Variants in EYA1 observed in about 807,000 individuals in gnomAD.
EYA1 encodes protein phosphatase EYA1.
Under a neutral mutation model 82.0 loss-of-function variants are expected in EYA1, and 16 were observed. The observed-to-expected ratio is 0.20, with a 90% CI of 0.13 to 0.30. The LOEUF is 0.30. Among genes scored for constraint, EYA1 ranks in the 10% least tolerant of loss-of-function variants. The pLI is 1.00. For synonymous variants in EYA1, 261 were observed against 264.4 expected (o/e 0.99, Z 0.12); for missense variants, 633 against 730.7 (o/e 0.87, Z 1.54).
intron 2 of EYA1, among the ~76,000 whole-genome samples, chr8:71,435,666 C>T (rs1305974100): frequency 6.6e-6 from 1 of 151,984 alleles, no homozygotes; most frequent in Non-Finnish European, 1.5e-5. Flanking sequence ...ATACAGAACT[C>T]TATATAAGCA....
chr8:71,278,425 C>G (rs10088075), intron 9 of EYA1, among the ~76,000 whole-genome samples: 56,868 of 151,984 alleles, frequency 0.37, 11,142 homozygotes, highest in East Asian at 0.71. Context: ...AATTGTGTCT[C>G]TTTTACCATA....
At chr8:71,308,206 T>A (rs1343464736) in intron 7 of EYA1, among the ~76,000 whole-genome samples, 1 of 152,182 alleles carries the variant, frequency 6.6e-6, no homozygotes, top group African/African-American at 2.4e-5. Flanking sequence ...TTAAGTGGTA[T>A]TAATTTTTGG....
intron 3 of EYA1, among the ~76,000 whole-genome samples, chr8:71,345,667 T>C (rs192463118): frequency 7.1e-4 from 108 of 152,334 alleles, no homozygotes; most frequent in African/African-American, 2.5e-3. Context: ...TCACTGTCTT[T>C]AAGGCAAGTA....
Position 71,199,174 on chromosome 8 carries a change from G to A in EYA1, c.*166C>T, listed in dbSNP as rs1320136576. ...CAACAGCTGTTCTGATGAAATAGAC[G>A]TGGTCCTCCATTCACCACAAAGGCA... On this transcript the variant is annotated 3_prime_UTR_variant, in exon 18 of 18. Coordinates refer to ENST00000340726, the MANE Select transcript of EYA1 (RefSeq NM_000503.6). The A allele has an allele frequency of 1.5e-6, 1 of 677,814 alleles. No individual in the cohort carries two copies. Among genetic ancestry groups the A allele is most frequent in the Non-Finnish European group, 2.7e-6 (1 of 371,170 alleles). 42.0% of individuals were successfully genotyped at this position (677,814 alleles called of 1,614,324 possible). A position where few individuals can be genotyped will look rare whatever the true frequency, so the allele number is the denominator to read the frequency against.
chr8:71,317,472 A>G (rs1435247909), intron 7 of EYA1, 80 bp downstream of exon 7: 16 of 1,439,938 alleles, frequency 1.1e-5, no homozygotes, highest in Admixed American at 5.0e-5. Context: ...TTTACTATTT[A>G]CATGGAACAT....
At chr8:71,535,714 T>C in intron 2 of EYA1, 1 of 1,480,564 alleles carries the variant, frequency 6.8e-7, no homozygotes, top group South Asian at 1.3e-5. Context: ...TAATAATTCT[T>C]TCCTTAGGAC....
intron 2 of EYA1, among the ~76,000 whole-genome samples, chr8:71,399,229 C>A (rs938166747): frequency 1.3e-5 from 2 of 152,110 alleles, no homozygotes; most frequent in African/African-American, 4.8e-5. Flanking sequence ...AATTCCCTGA[C>A]CCCTTGTGCT....
chr8:71,396,535 T>C (rs1043868966), intron 2 of EYA1, among the ~76,000 whole-genome samples: 1 of 152,228 alleles, frequency 6.6e-6, no homozygotes, highest in African/African-American at 2.4e-5. Context: ...ATTTCTGCCT[T>C]CATTTCGTTA....
At chr8:71,439,163 C>G (rs548538540) in intron 2 of EYA1, among the ~76,000 whole-genome samples, 1 of 152,148 alleles carries the variant, frequency 6.6e-6, no homozygotes, top group Non-Finnish European at 1.5e-5. Flanking sequence ...AAGGTTAAAA[C>G]CTTTTTTCCT....
intron 2 of EYA1, among the ~76,000 whole-genome samples, chr8:71,412,428 A>AG (rs1305427438): frequency 9.4e-6 from 1 of 106,494 alleles, no homozygotes; most frequent in Non-Finnish European, 1.9e-5. Context: ...AAATAAAATA[A>AG]AAAAAAGAAA....
At position 71,249,184 on chromosome 8, in the gene EYA1, C is replaced by T. The variant is rs753442733; in HGVS notation, c.1051-4492G>A. 3.4e-4 allele frequency among the ~76,000 whole-genome samples: 52 copies of T among 152,242 alleles called. No homozygotes were observed. The Middle Eastern group carries it at 0.014, about 40-fold the overall frequency. Reference sequence around the variant, plus strand: ...CCACTGCTGTTTACTCTCTTCTTGACATTTCTCCTCTATGACAGCAATCTT... The same window carrying T: ...CCACTGCTGTTTACTCTCTTCTTGATATTTCTCCTCTATGACAGCAATCTT... On this transcript the variant is annotated intron_variant, in intron 11 of 17. Transcript: ENST00000340726.
intron 2 of EYA1, among the ~76,000 whole-genome samples, chr8:71,511,013 C>T (rs1290195491): frequency 6.6e-6 from 1 of 151,934 alleles, no homozygotes; most frequent in East Asian, 1.9e-4. Flanking sequence ...AATCTGTTTC[C>T]TTCCATTCTA....
intron 2 of EYA1, among the ~76,000 whole-genome samples, chr8:71,478,315 A>T (rs775598946): frequency 7.2e-5 from 11 of 152,172 alleles, no homozygotes; most frequent in Non-Finnish European, 1.5e-4. Context: ...AAACAGAGGT[A>T]TCCACAGACA....
At chr8:71,368,396 T>A (rs1338290675) in intron 2 of EYA1, among the ~76,000 whole-genome samples, 1 of 152,018 alleles carries the variant, frequency 6.6e-6, no homozygotes, top group Non-Finnish European at 1.5e-5. Flanking sequence ...TCACTTTCCT[T>A]CCTGTCTTTC....
intron 7 of EYA1, among the ~76,000 whole-genome samples, chr8:71,310,568 C>T (rs1321522997): frequency 2.0e-5 from 3 of 152,156 alleles, no homozygotes; most frequent in African/African-American, 7.2e-5. Flanking sequence ...CCAGCTCCAT[C>T]CATGTTCCTG....
chr8:71,441,751 T>C (rs1586723939), intron 2 of EYA1, among the ~76,000 whole-genome samples: 1 of 152,304 alleles, frequency 6.6e-6, no homozygotes, highest in Non-Finnish European at 1.5e-5. Flanking sequence ...ATATTTGTGG[T>C]TTTCTCAAAA....
At chr8:71,388,391 A>G (rs1347848640) in intron 2 of EYA1, among the ~76,000 whole-genome samples, 1 of 152,232 alleles carries the variant, frequency 6.6e-6, no homozygotes, top group African/African-American at 2.4e-5. Flanking sequence ...GTACGACAAT[A>G]GAAAAAAGAA....
At chr8:71,423,737 C>T (rs1017520217) in intron 2 of EYA1, among the ~76,000 whole-genome samples, 2 of 152,100 alleles carry the variant, frequency 1.3e-5, no homozygotes, top group Non-Finnish European at 2.9e-5. Flanking sequence ...AACTTTTTCT[C>T]ATGTACCCAC....
At chr8:71,465,690 T>G (rs1808719549) in intron 2 of EYA1, among the ~76,000 whole-genome samples, 1 of 152,130 alleles carries the variant, frequency 6.6e-6, no homozygotes, top group Non-Finnish European at 1.5e-5. Context: ...ATTTAGTTTA[T>G]CTTTAAAATA....
Sources: gnomAD v4.1 joint callset for allele counts (sites outside exome capture counted in the v4.1 genomes callset) on GRCh38, gnomAD v4.1.1 for gene constraint, MANE v1.5 for transcripts, NCBI Gene and HGNC (gene_info 2026-07-23, HGNC 2026-07-21) for gene names.